TOX: variants seen among roughly 807,000 people sequenced by gnomAD.
The protein encoded by TOX is thymocyte selection-associated high mobility group box protein TOX.
Under a neutral mutation model 53.7 loss-of-function variants are expected in TOX, and 11 were observed. The observed-to-expected ratio is 0.20, with a 90% confidence interval of 0.13 to 0.34. TOX has a LOEUF of 0.34. Ranked by LOEUF, TOX falls within the 10% of genes least tolerant of loss-of-function variation. TOX has a pLI of 1.00. For synonymous variants in TOX, 225 were observed against 245.3 expected, an observed-to-expected ratio of 0.92 and a Z score of 0.77; for missense variants, 570 against 664.6, an observed-to-expected ratio of 0.86 and a Z score of 1.56.
In TOX at chr8:58,989,264, C is replaced by T. The variant is rs370297181; in HGVS notation, c.103-29256G>A. Among the ~76,000 whole-genome samples, 575 of 151,592 alleles carry T rather than the reference C, an allele frequency of 3.8e-3. 2 individuals carry two copies. Among genetic ancestry groups the T allele is most frequent in the African/African-American group, 0.013 (528 of 41,306 alleles). On this transcript the variant is annotated intron_variant, in intron 1 of 8. Coordinates refer to ENST00000361421, the MANE Select transcript of TOX (RefSeq NM_014729.3). ...CTATGAGGTGGAGGTGGCAGGGAGC[C>T]GAGATCACGCCACTGCACTCCAGCC...
chr8:58,889,099 T>C (rs1811519356), intron 3 of TOX, among the ~76,000 whole-genome samples: 2 of 151,294 alleles, frequency 1.3e-5, no homozygotes, highest in Non-Finnish European at 2.9e-5. Flanking sequence ...ATTTGGCATA[T>C]CTATTAAAAT....
At chr8:59,074,890 C>T (rs942451639) in intron 1 of TOX, among the ~76,000 whole-genome samples, 11 of 152,138 alleles carry the variant, frequency 7.2e-5, no homozygotes, top group Non-Finnish European at 1.5e-4. Flanking sequence ...AGAAAATAGG[C>T]AGCCACTAGA....
intron 1 of TOX, among the ~76,000 whole-genome samples, chr8:58,981,266 A>G (rs1287748392): frequency 3.3e-5 from 5 of 152,068 alleles, no homozygotes; most frequent in Non-Finnish European, 7.4e-5. Flanking sequence ...CTTCCTTCCC[A>G]ATTACCTTTA....
intron 1 of TOX, among the ~76,000 whole-genome samples, chr8:58,969,429 A>C (rs113843317): frequency 6.6e-6 from 1 of 152,194 alleles, no homozygotes; most frequent in Non-Finnish European, 1.5e-5. Flanking sequence ...TCAATCCATC[A>C]TCATATCCGG....
At chr8:58,863,812 C>T (rs899559834) in intron 3 of TOX, among the ~76,000 whole-genome samples, 2 of 152,028 alleles carry the variant, frequency 1.3e-5, no homozygotes, top group Admixed American at 6.6e-5. Flanking sequence ...GAGACTATCC[C>T]TGTACTCAAA....
intron 1 of TOX, among the ~76,000 whole-genome samples, chr8:59,045,681 C>T (rs1186225291): frequency 2.6e-5 from 4 of 152,254 alleles, no homozygotes; most frequent in Admixed American, 6.5e-5. Flanking sequence ...ACATCCAAAC[C>T]AGATAAGCAA....
intron 3 of TOX, among the ~76,000 whole-genome samples, chr8:58,938,034 T>C (rs1812375715): frequency 6.9e-6 from 1 of 145,864 alleles, no homozygotes; most frequent in Non-Finnish European, 1.5e-5. Context: ...TGGAATATAA[T>C]CTAAAAACCT....
intron 1 of TOX, among the ~76,000 whole-genome samples, chr8:59,074,109 C>G (rs1465426600): frequency 6.6e-6 from 1 of 152,198 alleles, no homozygotes; most frequent in African/African-American, 2.4e-5. Context: ...CTCTTAACTT[C>G]TCCGACAATA....
intron 1 of TOX, among the ~76,000 whole-genome samples, chr8:59,026,966 G>A (rs1814254262): frequency 6.6e-6 from 1 of 151,836 alleles, no homozygotes; most frequent in Non-Finnish European, 1.5e-5. Flanking sequence ...GGGAAGCAAT[G>A]GAGAAGGGGG....
intron 2 of TOX, among the ~76,000 whole-genome samples, chr8:58,940,989 T>G (rs1812428082): frequency 6.6e-6 from 1 of 152,160 alleles, no homozygotes; most frequent in Non-Finnish European, 1.5e-5. Context: ...AGGGGGTGTA[T>G]GAAGGGAAAA....
rs769987288 is a variant in TOX, at chr8:58,872,466, G to GA, written c.412-20662dup. Among the ~76,000 whole-genome samples the GA allele has an allele frequency of 3.1e-4, 47 of 151,390 alleles. No homozygotes were observed. In the East Asian group the frequency reaches 7.6e-3, roughly 24 times the overall value. ...AAAGAGTATAGTAGGGAAAGGGAGGGAAAAAAAAGAGTAATGTTACATCAG... is the reference window on the plus strand; with the variant it reads ...AAAGAGTATAGTAGGGAAAGGGAGGGAAAAAAAAAGAGTAATGTTACATCAG... On this transcript the variant is annotated intron_variant, in intron 3 of 8. Transcript: ENST00000361421.
chr8:58,971,970 C>T (rs763840265), intron 1 of TOX, among the ~76,000 whole-genome samples: 2 of 152,238 alleles, frequency 1.3e-5, no homozygotes, highest in Non-Finnish European at 2.9e-5. Context: ...GGATTACAGG[C>T]GTGAGCCACC....
At chr8:58,822,227 C>T (rs1355074580) in intron 6 of TOX, among the ~76,000 whole-genome samples, 1 of 152,216 alleles carries the variant, frequency 6.6e-6, no homozygotes, top group Non-Finnish European at 1.5e-5. Flanking sequence ...TGAATAATCA[C>T]CACCCTATGT....
rs981469770 is a variant in TOX at position 59,003,972 on chromosome 8, A to G, written c.103-43964T>C. Among the ~76,000 whole-genome samples the G allele has an allele frequency of 3.9e-5, 6 of 152,346 alleles. No individual in the cohort carries two copies. The South Asian group carries it at 6.2e-4, about 16-fold the overall frequency. On this transcript the variant is annotated intron_variant, in intron 1 of 8. Transcript: ENST00000361421. Reference sequence around the variant, plus strand: ...TTTAACTGCAGCATTATAATGACCAATATTCACTATGTGTTTTTTATGATG... The same window carrying G: ...TTTAACTGCAGCATTATAATGACCAGTATTCACTATGTGTTTTTTATGATG...
chr8:58,813,996 A>C (rs1378337315), intron 7 of TOX, among the ~76,000 whole-genome samples: 1 of 152,220 alleles, frequency 6.6e-6, no homozygotes, highest in Non-Finnish European at 1.5e-5. Context: ...TTATGAGCAC[A>C]TGACTTAACT....
intron 1 of TOX, among the ~76,000 whole-genome samples, chr8:59,030,951 A>G (rs1814344567): frequency 6.6e-6 from 1 of 152,234 alleles, no homozygotes; most frequent in African/African-American, 2.4e-5. Context: ...AACATTTGAT[A>G]TGAAGTATCA....
In TOX at chr8:58,807,695, G is replaced by C. The variant is rs1810003077; in HGVS notation, c.*52C>G. On this transcript the variant is annotated 3_prime_UTR_variant, in exon 9 of 9. Transcript: ENST00000361421. ...GCCTTGACTGTACAAAGCAATCCAT[G>C]GTGAAAACACTTCCCTGAATTCCTC... is the stretch of plus-strand genomic sequence containing the variant. The C allele has an allele frequency of 2.5e-6, 4 of 1,603,378 alleles. No individual in the cohort carries two copies. In the East Asian group the frequency reaches 6.7e-5, roughly 27 times the overall value.
chr8:59,023,121 G>T (rs935641226), intron 1 of TOX, among the ~76,000 whole-genome samples: 1 of 152,160 alleles, frequency 6.6e-6, no homozygotes, highest in African/African-American at 2.4e-5. Context: ...AACCTGCTTT[G>T]AGGACCAATC....
chr8:59,057,620 C>T (rs900995233), intron 1 of TOX, among the ~76,000 whole-genome samples: 3 of 152,062 alleles, frequency 2.0e-5, no homozygotes, highest in South Asian at 2.1e-4. Flanking sequence ...CTCCGCCCCC[C>T]GCCTTTCAGT....
Sources: gnomAD v4.1 joint callset for allele counts (sites outside exome capture counted in the v4.1 genomes callset) on GRCh38, gnomAD v4.1.1 for gene constraint, MANE v1.5 for transcripts, NCBI Gene and HGNC (gene_info 2026-07-23, HGNC 2026-07-21) for gene names.